APBB2: variants seen among roughly 807,000 people sequenced by gnomAD.
The protein encoded by APBB2 is Fe65-like 1.
APBB2 carries 38 observed loss-of-function variants against 82.5 expected under a neutral mutation model. That is an observed-to-expected ratio of 0.46 (90% CI 0.36 to 0.60). The LOEUF is 0.60. APBB2 is among the 20% of genes least tolerant of loss of function. APBB2 has a pLI of 0.00. For missense variants in APBB2, 772 were observed against 972.3 expected (o/e 0.79, Z 2.74); for synonymous variants, 341 against 368.2 (o/e 0.93, Z 0.85).
At chr4:40,845,385 A>G (rs1052326858) in intron 12 of APBB2, among the ~76,000 whole-genome samples, 9 of 152,104 alleles carry the variant, frequency 5.9e-5, no homozygotes, top group African/African-American at 1.9e-4. Flanking sequence ...TCGCTGTACA[A>G]GATGCCAGTG....
intron 17 of APBB2, among the ~76,000 whole-genome samples, chr4:40,816,973 C>G (rs1399854785): frequency 1.3e-5 from 2 of 152,160 alleles, no homozygotes; most frequent in African/African-American, 4.8e-5. Context: ...GCACTGGCAC[C>G]AGGGATAATT....
chr4:40,849,577 C>T (rs1445066474), intron 12 of APBB2, among the ~76,000 whole-genome samples: 1 of 152,172 alleles, frequency 6.6e-6, no homozygotes, highest in Non-Finnish European at 1.5e-5. Context: ...CCCATACCTG[C>T]TGAGGCAGTT....
chr4:40,876,958 C>G (rs914191672), intron 12 of APBB2, among the ~76,000 whole-genome samples: 2 of 152,148 alleles, frequency 1.3e-5, no homozygotes, highest in Non-Finnish European at 2.9e-5. Flanking sequence ...TTAACTCTGA[C>G]CTAGGTATTA....
At chr4:41,157,351 T>C (rs1047891194) in intron 1 of APBB2, among the ~76,000 whole-genome samples, 1 of 152,180 alleles carries the variant, frequency 6.6e-6, no homozygotes, top group African/African-American at 2.4e-5. Flanking sequence ...AATGACCTTC[T>C]AACACTAGGT....
At chr4:41,011,702 A>T (rs1808422517) in intron 6 of APBB2, among the ~76,000 whole-genome samples, 1 of 152,172 alleles carries the variant, frequency 6.6e-6, no homozygotes, top group South Asian at 2.1e-4. Context: ...AAGTGCTGGG[A>T]TTACAGGCGT....
chr4:41,105,241 C>A (rs1746761482), intron 2 of APBB2, among the ~76,000 whole-genome samples: 1 of 151,942 alleles, frequency 6.6e-6, no homozygotes, highest in African/African-American at 2.4e-5. Flanking sequence ...TTTTTACTTC[C>A]AAAAATGCTG....
intron 2 of APBB2, among the ~76,000 whole-genome samples, chr4:41,104,159 C>T (rs554117694): frequency 3.9e-5 from 6 of 152,204 alleles, no homozygotes; most frequent in African/African-American, 1.4e-4. Flanking sequence ...TTTGGGCATG[C>T]GGATAAACTT....
At chr4:41,178,543 T>C (rs1359092883) in intron 1 of APBB2, among the ~76,000 whole-genome samples, 1 of 152,224 alleles carries the variant, frequency 6.6e-6, no homozygotes, top group African/African-American at 2.4e-5. Context: ...ACTGCCACCA[T>C]CTATCACAGT....
chr4:40,978,936 T>A (rs6831082), intron 6 of APBB2, among the ~76,000 whole-genome samples: 3,446 of 151,868 alleles, frequency 0.023, 90 homozygotes, highest in African/African-American at 0.058. Flanking sequence ...ATTTTTTTTT[T>A]AAAAGAAAAC....
chr4:41,099,091 A>G (rs1323752886), intron 3 of APBB2, among the ~76,000 whole-genome samples: 1 of 152,156 alleles, frequency 6.6e-6, no homozygotes, highest in Non-Finnish European at 1.5e-5. Flanking sequence ...AAAAAAATAT[A>G]TTTTGGGTGA....
At position 41,083,842 on chromosome 4, in the gene APBB2, T is replaced by C. The variant is rs1479024071; in HGVS notation, c.-149+16797A>G. 4.6e-5 allele frequency among the ~76,000 whole-genome samples: 7 copies of C among 152,252 alleles called. No homozygotes were observed. The East Asian group carries it at 1.4e-3, about 29-fold the overall frequency. ...CATCTAACTGCTGTTGACTAGAAGA[T>C]ACACCAGTATTTTCTGTACTAAGAA... On this transcript the variant is annotated intron_variant, in intron 3 of 17. Transcript: ENST00000508593.
At chr4:40,854,941 A>G (rs1441503943) in intron 12 of APBB2, among the ~76,000 whole-genome samples, 2 of 152,212 alleles carry the variant, frequency 1.3e-5, no homozygotes, top group South Asian at 2.1e-4. Context: ...AACAATGCCA[A>G]TGTTCAAACT....
intron 1 of APBB2, among the ~76,000 whole-genome samples, chr4:41,184,159 G>T (rs1772223818): frequency 1.3e-5 from 2 of 152,196 alleles, no homozygotes; most frequent in African/African-American, 2.4e-5. Flanking sequence ...GAGCTCAGGT[G>T]GTAATGAGAG....
chr4:41,207,888 A>G (rs921856882), intron 1 of APBB2: 3 of 152,218 alleles, frequency 2.0e-5, no homozygotes, highest in African/African-American at 7.2e-5. Flanking sequence ...ATCAAATCAT[A>G]AAAGAATCTT....
intron 10 of APBB2, among the ~76,000 whole-genome samples, chr4:40,918,861 TC>T (rs1339901562): frequency 6.6e-6 from 1 of 151,870 alleles, no homozygotes; most frequent in Admixed American, 6.6e-5. Flanking sequence ...TGCTCCCACC[TC>T]GGCCTCCCAG....
intron 6 of APBB2, among the ~76,000 whole-genome samples, chr4:40,981,778 G>C (rs771650018): frequency 6.6e-6 from 1 of 152,110 alleles, no homozygotes; most frequent in South Asian, 2.1e-4. Context: ...CCTATACGCA[G>C]AACAAGCAGT....
intron 6 of APBB2, among the ~76,000 whole-genome samples, chr4:40,961,775 G>A (rs368088831): frequency 4.3e-4 from 63 of 145,896 alleles, no homozygotes; most frequent in South Asian, 3.7e-3. Flanking sequence ...TAACTTCATC[G>A]GTTATGATTC....
intron 17 of APBB2, among the ~76,000 whole-genome samples, chr4:40,817,084 T>A (rs1164838831): frequency 2.0e-5 from 3 of 149,848 alleles, no homozygotes; most frequent in Non-Finnish European, 3.0e-5. Context: ...TTTATCAAAT[T>A]TTTTTTTTTC....
chr4:40,909,491 G>A (rs1449190952), intron 10 of APBB2, among the ~76,000 whole-genome samples: 2 of 152,156 alleles, frequency 1.3e-5, no homozygotes, highest in Admixed American at 6.5e-5. Flanking sequence ...CCAGAGACAC[G>A]CCTCCGGGTT....
Sources: allele counts gnomAD v4.1 joint callset (sites outside exome capture counted in the v4.1 genomes callset), GRCh38; gene constraint gnomAD v4.1.1; transcripts MANE v1.5; gene names NCBI Gene and HGNC (gene_info 2026-07-23, HGNC 2026-07-21).